Variants in NTNG2 observed in about 807,000 individuals in gnomAD.
NTNG2 encodes the protein netrin G2, also known as netrin-G2.
Under a neutral mutation model 47.6 loss-of-function variants are expected in NTNG2, and 15 were observed. The observed-to-expected ratio is 0.32, with a 90% CI of 0.21 to 0.49. The LOEUF is 0.49. NTNG2 is among the 20% of genes least tolerant of loss of function. The pLI is 0.99. For missense variants in NTNG2, 578 were observed against 764.6 expected (o/e 0.76, Z 2.88); for synonymous variants, 307 against 324.6 (o/e 0.95, Z 0.58).
At chr9:132,171,574 A>G (rs1835914813) in intron 2 of NTNG2, among the ~76,000 whole-genome samples, 1 of 152,194 alleles carries the variant, frequency 6.6e-6, no homozygotes, top group Non-Finnish European at 1.5e-5. Context: ...TTGAACACAC[A>G]TCTTACTCAG....
At chr9:132,164,347 C>A (rs1252699382) in intron 1 of NTNG2, among the ~76,000 whole-genome samples, 1 of 152,136 alleles carries the variant, frequency 6.6e-6, no homozygotes, top group Non-Finnish European at 1.5e-5. Flanking sequence ...CGCTGCCTCC[C>A]CGCGCCCGGC....
At chr9:132,204,852 G>A (rs1451420719) in intron 3 of NTNG2, among the ~76,000 whole-genome samples, 1 of 152,144 alleles carries the variant, frequency 6.6e-6, no homozygotes, top group Non-Finnish European at 1.5e-5. Context: ...GACGCAGGAG[G>A]ATCTCTTGAG....
chr9:132,213,322 A>C, intron 3 of NTNG2, among the ~76,000 whole-genome samples: 1 of 131,458 alleles, frequency 7.6e-6, no homozygotes. Flanking sequence ...ACAGAGTAAG[A>C]CTCCATCTCA....
In NTNG2 at chr9:132,226,661, T is replaced by C. The variant is rs1464286983; in HGVS notation, c.858-188T>C. On this transcript the variant is annotated intron_variant, in intron 3 of 7. Transcript: ENST00000393229. This position sits in a 1 kb window ranked among gnomAD's most constrained non-coding sequence, Gnocchi z 4.8. ...AGGTGTGGCCTTTGGAACACGGCGT[T>C]GATCTCTCTGCAGGAAGGGGAATCA... 6.6e-6 allele frequency among the ~76,000 whole-genome samples: 1 copy of C among 152,254 alleles called. No homozygotes were observed. Among genetic ancestry groups the C allele is most frequent in the Non-Finnish European group, 1.5e-5 (1 of 68,038 alleles).
chr9:132,188,403 T>C (rs1441297830), intron 2 of NTNG2, among the ~76,000 whole-genome samples: 2 of 152,234 alleles, frequency 1.3e-5, no homozygotes. Context: ...CTTTCCCTTT[T>C]GGGTGAAGGG....
chr9:132,224,298 C>G (rs932173122), intron 3 of NTNG2, among the ~76,000 whole-genome samples: 9 of 152,178 alleles, frequency 5.9e-5, no homozygotes, highest in African/African-American at 2.2e-4. Flanking sequence ...TGAGCTAACA[C>G]TGATACAGTG....
intron 1 of NTNG2, chr9:132,165,919 T>G (rs1168787669): frequency 2.0e-5 from 3 of 152,272 alleles, no homozygotes; most frequent in Admixed American, 6.5e-5. Flanking sequence ...TTTTGCACAT[T>G]TTGCCGGAGA....
intron 2 of NTNG2, among the ~76,000 whole-genome samples, chr9:132,176,973 AT>A (rs1400415229): frequency 6.6e-6 from 1 of 151,988 alleles, no homozygotes; most frequent in Non-Finnish European, 1.5e-5. Context: ...CTTCTTAGTC[AT>A]TTTTTTGTTT....
intron 2 of NTNG2, among the ~76,000 whole-genome samples, chr9:132,167,529 G>T (rs923534030): frequency 9.2e-5 from 14 of 152,216 alleles, no homozygotes; most frequent in African/African-American, 2.9e-4. Context: ...CACTGAGCTG[G>T]CCCTTTGCAT....
chr9:132,189,064 C>CTTTTTTT (rs1179386814), intron 2 of NTNG2, among the ~76,000 whole-genome samples: 2 of 61,774 alleles, frequency 3.2e-5, no homozygotes, highest in African/African-American at 1.7e-4. Flanking sequence ...GGCTTTAAGC[C>CTTTTTTT]TTTCTTTTTT....
intron 3 of NTNG2, among the ~76,000 whole-genome samples, chr9:132,210,605 G>A (rs1195913086): frequency 6.6e-6 from 1 of 152,184 alleles, no homozygotes; most frequent in African/African-American, 2.4e-5. Context: ...CTGGGTCTGT[G>A]GCCATGACAC....
At chr9:132,205,303 G>T (rs750864492) in intron 3 of NTNG2, among the ~76,000 whole-genome samples, 2 of 152,118 alleles carry the variant, frequency 1.3e-5, no homozygotes, top group African/African-American at 4.8e-5. Flanking sequence ...CCTGACACAC[G>T]CTGCGACACA....
chr9:132,187,863 G>A (rs191593090), intron 2 of NTNG2, among the ~76,000 whole-genome samples: 36 of 152,312 alleles, frequency 2.4e-4, no homozygotes, highest in South Asian at 6.2e-4. Context: ...TGAGGAACAC[G>A]CAGAACTTGA....
rs1459370919 is a variant in NTNG2, at chr9:132,218,717, G to A, written c.858-8132G>A. On this transcript the variant is annotated intron_variant, in intron 3 of 7. Transcript: ENST00000393229. This position sits in a 1 kb window ranked among gnomAD's most constrained non-coding sequence, Gnocchi z 5.4. ...TCACCATGTTGGCCAGGCTGGTCTC[G>A]AACTCCTGACCTCAGGTGATACACC... is the stretch of plus-strand genomic sequence containing the variant. Among the ~76,000 whole-genome samples, 3 of 152,044 alleles carry A rather than the reference G, an allele frequency of 2.0e-5. No individual in the cohort carries two copies. Among genetic ancestry groups the A allele is most frequent in the Admixed American group, 6.6e-5 (1 of 15,264 alleles).
chr9:132,196,890 T>A (rs550687052), intron 2 of NTNG2, among the ~76,000 whole-genome samples: 7 of 152,300 alleles, frequency 4.6e-5, no homozygotes, highest in Non-Finnish European at 1.5e-5. Flanking sequence ...AATTGGGGGT[T>A]CCCACGACCC....
intron 2 of NTNG2, among the ~76,000 whole-genome samples, chr9:132,190,181 C>T (rs866497974): frequency 1.2e-4 from 16 of 134,782 alleles, no homozygotes; most frequent in Admixed American, 2.5e-4. Flanking sequence ...TGCAGTGACC[C>T]GAGATAGCGC....
intron 6 of NTNG2, 91 bp from the exon 7 acceptor site, chr9:132,240,819 G>A: frequency 1.3e-6 from 2 of 1,577,870 alleles, no homozygotes; most frequent in Non-Finnish European, 1.7e-6. Context: ...GGAGTGTGGA[G>A]ATGCTCCCTG....
At chr9:132,179,896 G>A (rs1026476518) in intron 2 of NTNG2, among the ~76,000 whole-genome samples, 1 of 152,164 alleles carries the variant, frequency 6.6e-6, no homozygotes, top group African/African-American at 2.4e-5. Context: ...GGATCTCACT[G>A]GGCGGCCACA....
chr9:132,184,386 T>G (rs1322272850), intron 2 of NTNG2, among the ~76,000 whole-genome samples: 1 of 152,158 alleles, frequency 6.6e-6, no homozygotes, highest in Admixed American at 6.5e-5. Flanking sequence ...CCTGCCTTCC[T>G]GAAGCACACA....
Sources: gnomAD v4.1 joint callset for allele counts (sites outside exome capture counted in the v4.1 genomes callset) on GRCh38, gnomAD v4.1.1 for gene constraint, Gnocchi (gnomAD v3.1) non-coding constraint, MANE v1.5 for transcripts, NCBI Gene and HGNC (gene_info 2026-07-23, HGNC 2026-07-21) for gene names.